Variants in TBCA observed in about 807,000 individuals in gnomAD.
TBCA encodes tubulin-specific chaperone A.
TBCA carries 6 observed loss-of-function variants against 15.8 expected under a neutral mutation model. That is an observed-to-expected ratio of 0.38 (90% CI 0.21 to 0.75). The LOEUF (loss-of-function observed/expected upper bound fraction) is 0.75, where lower values mean the gene tolerates loss of function less well. Among genes scored for constraint, TBCA ranks in the 30% least tolerant of loss-of-function variants. TBCA has a pLI of 0.46. For missense variants in TBCA, 90 were observed against 131.2 expected (o/e 0.69, Z 1.53); for synonymous variants, 32 against 42.3 (o/e 0.76, Z 0.94).
chr5:77,747,302 T>C (rs2112487387), intron 1 of TBCA, among the ~76,000 whole-genome samples: 1 of 152,192 alleles, frequency 6.6e-6, no homozygotes, highest in African/African-American at 2.4e-5. Flanking sequence ...CATATAACAT[T>C]GTCAGTGAAA....
chr5:77,706,112 T>C (rs1746143624), intron 2 of TBCA, among the ~76,000 whole-genome samples: 1 of 152,220 alleles, frequency 6.6e-6, no homozygotes, highest in Admixed American at 6.5e-5. Flanking sequence ...AATTCTATTT[T>C]AAATGATTGA....
At chr5:77,701,706 T>TATAC (rs1746021053) in intron 2 of TBCA, among the ~76,000 whole-genome samples, 1 of 135,810 alleles carries the variant, frequency 7.4e-6, no homozygotes, top group South Asian at 2.3e-4. Flanking sequence ...TATATATATA[T>TATAC]ATATATATAT....
intron 1 of TBCA, among the ~76,000 whole-genome samples, chr5:77,709,969 G>A (rs575512231): frequency 2.0e-5 from 3 of 152,264 alleles, no homozygotes; most frequent in African/African-American, 4.8e-5. Context: ...CTATAGAAAC[G>A]TAAAGTAGAT....
intron 1 of TBCA, among the ~76,000 whole-genome samples, chr5:77,742,557 C>T (rs967390535): frequency 2.0e-5 from 3 of 152,174 alleles, no homozygotes; most frequent in Non-Finnish European, 2.9e-5. Context: ...TTGTAGAAGG[C>T]CCTTAATGGC....
intron 1 of TBCA, among the ~76,000 whole-genome samples, chr5:77,728,450 AAGCTGATAAAAGG>A (rs1746680052): frequency 6.6e-6 from 1 of 152,304 alleles, no homozygotes; most frequent in East Asian, 1.9e-4. Flanking sequence ...TATAAACAGC[AAGCTGATAAAAGG>A]AACAATCATA....
At chr5:77,743,503 A>C (rs1747097576) in intron 1 of TBCA, among the ~76,000 whole-genome samples, 1 of 152,200 alleles carries the variant, frequency 6.6e-6, no homozygotes, top group Non-Finnish European at 1.5e-5. Flanking sequence ...GTTAGCAAGA[A>C]GCAACCTAGA....
intron 1 of TBCA, among the ~76,000 whole-genome samples, chr5:77,755,328 C>T (rs944953851): frequency 6.6e-6 from 1 of 152,144 alleles, no homozygotes; most frequent in African/African-American, 2.4e-5. Flanking sequence ...CCTGTAATCC[C>T]GGCACTTTGG....
At chr5:77,756,870 A>C (rs1171329891) in intron 1 of TBCA, among the ~76,000 whole-genome samples, 1 of 150,522 alleles carries the variant, frequency 6.6e-6, no homozygotes, top group Non-Finnish European at 1.5e-5. Context: ...CCCCAAAAAC[A>C]GGTGAATGCA....
intron 1 of TBCA, among the ~76,000 whole-genome samples, chr5:77,762,003 G>A (rs1297997819): frequency 6.6e-6 from 1 of 152,200 alleles, no homozygotes; most frequent in African/African-American, 2.4e-5. Flanking sequence ...TCTGTGGCCA[G>A]GAAAACGGAA....
In TBCA at chr5:77,700,609, G is replaced by A. The variant is rs1580091833; in HGVS notation, c.160-7257C>T. On this transcript the variant is annotated intron_variant, in intron 2 of 3. Coordinates refer to ENST00000380377, the MANE Select transcript of TBCA (RefSeq NM_004607.3). Reference sequence around the variant, plus strand: ...GATGTAGAGAAATTGAATCATTGCTGGTGGGAACATAAAATAGTATAACCA... The same window carrying A: ...GATGTAGAGAAATTGAATCATTGCTAGTGGGAACATAAAATAGTATAACCA... Among the ~76,000 whole-genome samples, 3 of 152,292 alleles carry A rather than the reference G, an allele frequency of 2.0e-5. No individual in the cohort carries two copies. The East Asian group carries it at 5.8e-4, about 29-fold the overall frequency.
At chr5:77,773,461 T>C (rs760385687) in intron 1 of TBCA, among the ~76,000 whole-genome samples, 2 of 152,236 alleles carry the variant, frequency 1.3e-5, no homozygotes, top group Non-Finnish European at 2.9e-5. Flanking sequence ...TTAAACAGCA[T>C]AGCAGGCAGT....
intron 1 of TBCA, among the ~76,000 whole-genome samples, chr5:77,741,650 G>C (rs1238199160): frequency 2.6e-5 from 4 of 152,222 alleles, no homozygotes; most frequent in Non-Finnish European, 5.9e-5. Flanking sequence ...TGGCTAGGGA[G>C]TATTCTAGTC....
At chr5:77,749,575 G>T (rs924742616) in intron 1 of TBCA, among the ~76,000 whole-genome samples, 1 of 152,024 alleles carries the variant, frequency 6.6e-6, no homozygotes, top group Non-Finnish European at 1.5e-5. Context: ...AGACCAAAAG[G>T]CCGTGTTAAC....
intron 2 of TBCA, among the ~76,000 whole-genome samples, chr5:77,699,785 C>T (rs1561263169): frequency 6.6e-6 from 1 of 152,184 alleles, no homozygotes. Context: ...TGTCTATAAT[C>T]CCAGCACTTT....
chr5:77,776,132 C>T, intron 1 of TBCA, 73 bp downstream of exon 1: 1 of 1,537,014 alleles, frequency 6.5e-7, no homozygotes, highest in East Asian at 2.5e-5. Context: ...CTCGGGCCTG[C>T]GCTCCGCTCA....
chr5:77,747,088 C>A (rs1009870657), intron 1 of TBCA, among the ~76,000 whole-genome samples: 1 of 152,054 alleles, frequency 6.6e-6, no homozygotes, highest in African/African-American at 2.4e-5. Context: ...AGTTTACTTA[C>A]ATTTTTAAGA....
At chr5:77,693,018 T>G in intron 3 of TBCA, 2 of 1,423,522 alleles carry the variant, frequency 1.4e-6, no homozygotes, top group Non-Finnish European at 1.8e-6. Flanking sequence ...CTATCATAAC[T>G]TAAATAAATT....
At chr5:77,774,771 C>A (rs2112525308) in intron 1 of TBCA, among the ~76,000 whole-genome samples, 1 of 152,256 alleles carries the variant, frequency 6.6e-6, no homozygotes, top group Middle Eastern at 3.4e-3. Flanking sequence ...GCAAAATAAA[C>A]TTCTAAACTG....
chr5:77,704,990 T>C (rs932114268), intron 2 of TBCA, among the ~76,000 whole-genome samples: 2 of 152,206 alleles, frequency 1.3e-5, no homozygotes, highest in South Asian at 2.1e-4. Flanking sequence ...CAATTTTTTT[T>C]CCCCTTTTAC....
Sources: allele counts gnomAD v4.1 joint callset (sites outside exome capture counted in the v4.1 genomes callset), GRCh38; gene constraint gnomAD v4.1.1; transcripts MANE v1.5; gene names NCBI Gene and HGNC (gene_info 2026-07-23, HGNC 2026-07-21).